Variants in DMXL2 observed in about 807,000 individuals in gnomAD.
DMXL2 encodes Dmx like 2, also known as dmX-like protein 2.
A neutral mutation model predicts 331.1 loss-of-function variants in DMXL2; 103 were observed. The ratio of observed to expected loss-of-function variants is 0.31; its 90% CI spans 0.27 to 0.37. DMXL2 has a LOEUF of 0.37. DMXL2 is among the 10% of genes least tolerant of loss of function. DMXL2 has a pLI of 1.00. For missense variants in DMXL2, 3,171 were observed against 3,642.9 expected (o/e 0.87, Z 3.33); for synonymous variants, 1,281 against 1,252.1 (o/e 1.02, Z -0.49).
intron 27 of DMXL2, among the ~76,000 whole-genome samples, 153 bp from the exon 28 acceptor site, chr15:51,474,745 T>A (rs1161113552): frequency 6.6e-6 from 1 of 152,228 alleles, no homozygotes; most frequent in African/African-American, 2.4e-5. Flanking sequence ...TAGGAATGGA[T>A]TATAGCCTAT....
chr15:51,570,281 T>C (rs1008351710), intron 2 of DMXL2, among the ~76,000 whole-genome samples: 25 of 151,944 alleles, frequency 1.6e-4, no homozygotes, highest in African/African-American at 5.6e-4. Flanking sequence ...CTTCAAGAAA[T>C]ATGGGACTAT....
At chr15:51,483,816 A>G (rs1490929749) in intron 23 of DMXL2, among the ~76,000 whole-genome samples, 3 of 151,904 alleles carry the variant, frequency 2.0e-5, no homozygotes, top group East Asian at 1.9e-4. Context: ...CCTGGTGGAC[A>G]CATCCCAGCC....
In DMXL2 at chr15:51,481,186, G is replaced by A; in HGVS notation, c.5920C>T (p.Leu1974Phe). ...TGATCTTCACCCCAATCAAGATTAA[G>A]AGGTTCCTCATCAACTTTTACTATT... ...QPIVKVDEEP[L>F]NLDWGEDHDS... Residue 1974 changes from leucine to phenylalanine, a missense_variant, in exon 24 of 44, where the codon CTT becomes TTT. By Grantham distance (22) the Leu-to-Phe change is conservative. Transcript: ENST00000560891. 2 of 1,613,928 alleles carry A rather than the reference G, an allele frequency of 1.2e-6. No individual in the cohort carries two copies. The highest frequency in any genetic ancestry group is 1.7e-6 in the Non-Finnish European group (2 of 1,179,892).
Position 51,507,222 on chromosome 15 carries a change from G to C in DMXL2, c.2676C>G (p.Phe892Leu), listed in dbSNP as rs151009340. The change falls in exon 16 of 44, where the codon TTC becomes TTG. Residue 892 changes from phenylalanine to leucine, a missense_variant. Coordinates refer to ENST00000560891, the MANE Select transcript of DMXL2 (RefSeq NM_001378457.1). ...TGTCCTTCTCAATTACTACTAGAAA[G>C]AACTTTTCTGAAAATGGTGGTGGGC... ...GYRPPPFSEK[F>L]FLVVIEKDSN... The C allele has an allele frequency of 6.2e-7, 1 of 1,610,424 alleles. No homozygotes were observed. The highest frequency in any genetic ancestry group is 1.3e-5 in the African/African-American group (1 of 74,802).
intron 1 of DMXL2, among the ~76,000 whole-genome samples, chr15:51,595,544 T>A (rs1303201991): frequency 6.6e-6 from 1 of 152,232 alleles, no homozygotes; most frequent in Non-Finnish European, 1.5e-5. Context: ...ACCAATGACT[T>A]TCTTCACAGA....
intron 1 of DMXL2, among the ~76,000 whole-genome samples, chr15:51,607,222 C>T (rs1175457992): frequency 6.6e-6 from 1 of 151,646 alleles, no homozygotes; most frequent in East Asian, 1.9e-4. Context: ...TTTGGGAGGC[C>T]GAGGCAGGCG....
chr15:51,613,966 G>A (rs1269983753), intron 1 of DMXL2, among the ~76,000 whole-genome samples: 2 of 152,156 alleles, frequency 1.3e-5, no homozygotes, highest in East Asian at 1.9e-4. Flanking sequence ...TTGTTAACAT[G>A]TGTTGTGGAC....
At position 51,454,728 on chromosome 15, in the gene DMXL2, C is replaced by A. The variant is rs577720727; in HGVS notation, c.8604+423G>T. 4.6e-5 allele frequency among the ~76,000 whole-genome samples: 7 copies of A among 152,242 alleles called. 1 individual carries two copies. In the South Asian group the frequency reaches 1.2e-3, roughly 27 times the overall value. On this transcript the variant is annotated intron_variant, in intron 40 of 43. Transcript: ENST00000560891. ...GTCAGGCTGGTCTCGAACTCCTGAC[C>A]TTGTGATCTGCCCGCCTCGGCCTCC...
intron 8 of DMXL2, among the ~76,000 whole-genome samples, chr15:51,545,097 A>C (rs981911885): frequency 2.0e-5 from 3 of 152,122 alleles, no homozygotes; most frequent in African/African-American, 7.2e-5. Flanking sequence ...CAATCATGGA[A>C]ACTCCAAAGC....
chr15:51,512,528 G>A (rs1250705285), intron 15 of DMXL2, among the ~76,000 whole-genome samples: 1 of 152,108 alleles, frequency 6.6e-6, no homozygotes, highest in Non-Finnish European at 1.5e-5. Context: ...TATTTCAGGG[G>A]GGCCAGGCGT....
At chr15:51,563,531 C>A (rs1265668567) in intron 5 of DMXL2, 84 bp from the exon 6 acceptor site, 3 of 860,958 alleles carry the variant, frequency 3.5e-6, no homozygotes, top group African/African-American at 1.8e-5. Context: ...ATTTTTGTAA[C>A]ATCAAAGTCA....
rs2271677 is a variant in DMXL2, at chr15:51,480,242, C to T, written c.6565-103G>A. The T allele has an allele frequency of 6.1e-3, 7,140 of 1,175,006 alleles. 155 individuals are homozygous for T. The East Asian group carries it at 0.076, about 13-fold the overall frequency. 72.8% of individuals were successfully genotyped at this position (1,175,006 alleles called of 1,614,324 possible). On this transcript the variant is annotated intron_variant, in intron 24 of 43. Transcript: ENST00000560891. ...AAACATTGTGTAAAGGGAATATGTT[C>T]GCTCACTCATTCTACACAAATTTAT...
chr15:51,583,026 C>G (rs960233875), intron 1 of DMXL2, among the ~76,000 whole-genome samples: 3 of 150,916 alleles, frequency 2.0e-5, no homozygotes, highest in African/African-American at 7.3e-5. Flanking sequence ...ATACACAATT[C>G]TGCCACTTAT....
At chr15:51,481,835 G>C (rs1188169216) in intron 23 of DMXL2, among the ~76,000 whole-genome samples, 1 of 152,102 alleles carries the variant, frequency 6.6e-6, no homozygotes, top group Non-Finnish European at 1.5e-5. Context: ...CATCACTATA[G>C]AGTGATGTCC....
Position 51,480,642 on chromosome 15 carries a change from A to G in DMXL2, c.6464T>C (p.Leu2155Pro), listed in dbSNP as rs1433395748. 1 of 1,612,278 alleles carries G rather than the reference A, an allele frequency of 6.2e-7. No homozygotes were observed. The highest frequency in any genetic ancestry group is 8.5e-7 in the Non-Finnish European group (1 of 1,178,674). The part of the protein sequence containing the change: ...KSWLQKNQDL[L>P]RVFLSYCSLH... Reference sequence around the variant, plus strand: ...GCTACAGTAGCTGAGAAATACTCTCAGGAGATCTTGGTTTTTCTGCAACCA... The same window carrying G: ...GCTACAGTAGCTGAGAAATACTCTCGGGAGATCTTGGTTTTTCTGCAACCA... The change falls in exon 24 of 44, where the codon CTG becomes CCG. Residue 2155 changes from leucine to proline, a missense_variant. Coordinates refer to ENST00000560891, the MANE Select transcript of DMXL2 (RefSeq NM_001378457.1).
chr15:51,551,049 A>G (rs1329178050), intron 6 of DMXL2, among the ~76,000 whole-genome samples: 4 of 152,074 alleles, frequency 2.6e-5, no homozygotes, highest in Non-Finnish European at 5.9e-5. Context: ...GGAGATCCAC[A>G]GTGACCATCT....
At chr15:51,450,699 A>C in intron 42 of DMXL2, 1 of 193,430 alleles carries the variant, frequency 5.2e-6, no homozygotes, top group Non-Finnish European at 1.1e-5. Context: ...GTACCGTACA[A>C]AAAGTTCTTT....
chr15:51,516,966 T>G, intron 14 of DMXL2, 112 bp downstream of exon 14: 4 of 833,310 alleles, frequency 4.8e-6, no homozygotes, highest in Non-Finnish European at 7.9e-6. Flanking sequence ...ATAAGTTGTC[T>G]GCATTTAATA....
intron 26 of DMXL2, 82 bp from the exon 27 acceptor site, chr15:51,476,801 C>A: frequency 1.7e-6 from 2 of 1,181,872 alleles, no homozygotes; most frequent in South Asian, 2.0e-5. Context: ...ATTTTAGACA[C>A]CTATTTTAAG....
Sources: gnomAD v4.1 joint callset for allele counts (sites outside exome capture counted in the v4.1 genomes callset) on GRCh38, gnomAD v4.1.1 for gene constraint, MANE v1.5 for transcripts, NCBI Gene and HGNC (gene_info 2026-07-23, HGNC 2026-07-21) for gene names.